Variants in WWOX observed in about 807,000 individuals in gnomAD.
WWOX encodes the protein WW domain containing oxidoreductase.
A neutral mutation model predicts 46.2 loss-of-function variants in WWOX; 69 were observed. The ratio of observed to expected loss-of-function variants is 1.49; its 90% CI spans 1.23 to 1.82. The LOEUF is 1.82. Among genes scored for constraint, WWOX ranks in the 40% most tolerant of loss-of-function variants. The probability of loss-of-function intolerance (pLI) is 0.00; values close to 1 mark genes in which losing one functional copy is unlikely to be tolerated. For synonymous variants in WWOX, 359 were observed against 202.6 expected (o/e 1.77, Z -6.56); for missense variants, 919 against 542.6 (o/e 1.69, Z -6.89).
At chr16:78,980,091 G>A (rs1015469781) in intron 8 of WWOX, among the ~76,000 whole-genome samples, 3 of 152,220 alleles carry the variant, frequency 2.0e-5, no homozygotes, top group Non-Finnish European at 4.4e-5. Context: ...TTGCACCACT[G>A]CACTGCAGCC....
intron 8 of WWOX, among the ~76,000 whole-genome samples, chr16:78,486,585 G>GTTTTGTTTTTTC (rs78209263): frequency 6.6e-6 from 1 of 151,132 alleles, no homozygotes; most frequent in African/African-American, 2.5e-5. Flanking sequence ...GTTTTGTTTT[G>GTTTTGTTTTTTC]TTTTGTTTTG....
In WWOX at chr16:79,208,986, C is replaced by T. The variant is rs561949425; in HGVS notation, c.1057-2622C>T. 8.5e-5 allele frequency among the ~76,000 whole-genome samples: 13 copies of T among 152,224 alleles called. No individual in the cohort carries two copies. The East Asian group carries it at 1.2e-3, about 14-fold the overall frequency. On this transcript the variant is annotated intron_variant, in intron 8 of 8. Coordinates refer to ENST00000566780, the MANE Select transcript of WWOX (RefSeq NM_016373.4). ...AGAAGGAGAATTTGCCAAAGGTGGACGATTGATTTTTGGAGTAGAGAAGGT... is the reference window on the plus strand; with the variant it reads ...AGAAGGAGAATTTGCCAAAGGTGGATGATTGATTTTTGGAGTAGAGAAGGT...
chr16:78,992,649 G>A (rs530716085), intron 8 of WWOX, among the ~76,000 whole-genome samples: 4 of 152,150 alleles, frequency 2.6e-5, no homozygotes, highest in African/African-American at 9.7e-5. Flanking sequence ...CTTAATGTCT[G>A]TTGTGGAAGT....
intron 8 of WWOX, among the ~76,000 whole-genome samples, chr16:79,007,836 C>T (rs1355379939): frequency 1.3e-5 from 2 of 152,176 alleles, no homozygotes; most frequent in Non-Finnish European, 2.9e-5. Context: ...ATAACCTCTG[C>T]CCTTTATTAG....
chr16:78,435,164 T>C (rs1482256988), intron 8 of WWOX, among the ~76,000 whole-genome samples: 1 of 152,068 alleles, frequency 6.6e-6, no homozygotes, highest in East Asian at 1.9e-4. Context: ...AACCAGAGTA[T>C]GGGGTTAGAA....
chr16:79,051,648 C>T (rs2048169425), intron 8 of WWOX, among the ~76,000 whole-genome samples: 1 of 152,332 alleles, frequency 6.6e-6, no homozygotes, highest in East Asian at 1.9e-4. Flanking sequence ...GTTATCCTTT[C>T]ATGCCAGCAA....
At chr16:78,925,434 A>G (rs531035667) in intron 8 of WWOX, among the ~76,000 whole-genome samples, 3 of 152,272 alleles carry the variant, frequency 2.0e-5, no homozygotes, top group African/African-American at 7.2e-5. Context: ...CCATGGAATA[A>G]TTACCTTCCT....
intron 5 of WWOX, among the ~76,000 whole-genome samples, chr16:78,243,078 C>T (rs1841115655): frequency 6.6e-6 from 1 of 152,164 alleles, no homozygotes; most frequent in Non-Finnish European, 1.5e-5. Context: ...CTCCTCTCAC[C>T]CAGGTCCATT....
At chr16:78,991,820 G>A (rs1040403409) in intron 8 of WWOX, among the ~76,000 whole-genome samples, 6 of 152,020 alleles carry the variant, frequency 3.9e-5, no homozygotes, top group Admixed American at 2.0e-4. Flanking sequence ...TTTTCATCTC[G>A]GTGTTCATTA....
intron 8 of WWOX, among the ~76,000 whole-genome samples, chr16:78,504,735 G>C (rs961761718): frequency 1.3e-5 from 2 of 152,098 alleles, no homozygotes; most frequent in Non-Finnish European, 2.9e-5. Flanking sequence ...GGCTGGTCAT[G>C]GGGCTTGGAA....
intron 8 of WWOX, among the ~76,000 whole-genome samples, chr16:78,786,189 C>T (rs1015850081): frequency 1.3e-5 from 2 of 152,208 alleles, no homozygotes; most frequent in East Asian, 1.9e-4. Flanking sequence ...GGATTACAGG[C>T]GTGAGCCACC....
chr16:78,350,405 C>A (rs926068308), intron 5 of WWOX, among the ~76,000 whole-genome samples: 1 of 120,790 alleles, frequency 8.3e-6, no homozygotes, highest in African/African-American at 2.8e-5. Context: ...TTTCATTTTC[C>A]CAAAAAGAAA....
chr16:79,053,961 C>A (rs1008224738), intron 8 of WWOX, among the ~76,000 whole-genome samples: 1 of 150,398 alleles, frequency 6.6e-6, no homozygotes, highest in South Asian at 2.1e-4. Flanking sequence ...TTTCTTTCTC[C>A]TTTTTCTGCT....
intron 5 of WWOX, among the ~76,000 whole-genome samples, chr16:78,354,989 G>A (rs1040136053): frequency 1.8e-4 from 27 of 151,976 alleles, no homozygotes; most frequent in Middle Eastern, 3.2e-3. Flanking sequence ...AAAATTAGCC[G>A]GGAGTGGTGG....
At chr16:78,441,540 C>A (rs11863844) in intron 8 of WWOX, among the ~76,000 whole-genome samples, 1 of 151,928 alleles carries the variant, frequency 6.6e-6, no homozygotes, top group Non-Finnish European at 1.5e-5. Flanking sequence ...ACGTATCCAG[C>A]GGTGTGGGTA....
intron 8 of WWOX, among the ~76,000 whole-genome samples, chr16:78,538,404 C>T (rs918342827): frequency 2.0e-5 from 3 of 152,056 alleles, no homozygotes; most frequent in African/African-American, 4.8e-5. Context: ...TAAACCTCTG[C>T]GTGGTGTGCA....
intron 8 of WWOX, among the ~76,000 whole-genome samples, chr16:78,452,788 G>T (rs538467415): frequency 6.6e-6 from 1 of 150,490 alleles, no homozygotes; most frequent in Non-Finnish European, 1.5e-5. Flanking sequence ...TAATAAATAC[G>T]TATTTATGTC....
chr16:79,155,052 T>A (rs1358371290), intron 8 of WWOX, among the ~76,000 whole-genome samples: 1 of 152,224 alleles, frequency 6.6e-6, no homozygotes, highest in Non-Finnish European at 1.5e-5. Context: ...TAGATTCTTC[T>A]AGATTCTACA....
intron 5 of WWOX, among the ~76,000 whole-genome samples, chr16:78,287,095 C>T (rs879829511): frequency 5.9e-5 from 9 of 152,148 alleles, no homozygotes; most frequent in Non-Finnish European, 1.3e-4. Context: ...TAGGTCTGAC[C>T]TCAGCATTCA....
Sources: gnomAD v4.1 joint callset for allele counts (sites outside exome capture counted in the v4.1 genomes callset) on GRCh38, gnomAD v4.1.1 for gene constraint, MANE v1.5 for transcripts, NCBI Gene and HGNC (gene_info 2026-07-23, HGNC 2026-07-21) for gene names.